The following DYNC1I1 variants were observed in gnomAD, a reference collection of about 807,000 sequenced individuals.
The protein encoded by DYNC1I1 is cytoplasmic dynein 1 intermediate chain 1.
DYNC1I1 carries 43 observed loss-of-function variants against 86.6 expected under a neutral mutation model. The observed-to-expected ratio is 0.50, with a 90% CI of 0.39 to 0.64. The LOEUF is 0.64. DYNC1I1 is among the 30% of genes least tolerant of loss of function. The pLI, the probability that DYNC1I1 is intolerant of heterozygous loss-of-function variation, is 0.00. For missense variants in DYNC1I1, 604 were observed against 788.8 expected, an observed-to-expected ratio of 0.77 and a Z score of 2.81; for synonymous variants, 262 against 283.7, an observed-to-expected ratio of 0.92 and a Z score of 0.77.
chr7:96,086,100 A>G (rs2116293971), intron 16 of DYNC1I1, among the ~76,000 whole-genome samples: 1 of 152,362 alleles, frequency 6.6e-6, no homozygotes, highest in East Asian at 1.9e-4. Context: ...GATGATTGAT[A>G]GCCAGCCTAT....
intron 6 of DYNC1I1, among the ~76,000 whole-genome samples, chr7:95,931,873 T>A (rs1791908636): frequency 6.6e-6 from 1 of 152,242 alleles, no homozygotes; most frequent in Non-Finnish European, 1.5e-5. Flanking sequence ...ATTTTACTAT[T>A]GATTGTGGTG....
At chr7:95,977,414 G>T in intron 6 of DYNC1I1, 98 bp from the exon 7 acceptor site, 1 of 1,043,818 alleles carries the variant, frequency 9.6e-7, no homozygotes, top group Non-Finnish European at 1.4e-6. Context: ...TGCCCTAAAT[G>T]ATTGGAACTT....
chr7:96,040,175 A>C (rs946760299), intron 14 of DYNC1I1, among the ~76,000 whole-genome samples: 8 of 152,136 alleles, frequency 5.3e-5, no homozygotes, highest in Admixed American at 5.2e-4. Context: ...CAGAGGTTGC[A>C]GTGAGCCGAG....
rs185166911 is a variant in DYNC1I1, at chr7:96,033,503, T to C, written c.1230+723T>C. On this transcript the variant is annotated intron_variant, in intron 12 of 16. Transcript: ENST00000447467. ...TACACACACGCTTTTTCCATATTTC[T>C]TTGTGTGAAAAAACAGTATTCACTA... 1.9e-3 allele frequency among the ~76,000 whole-genome samples: 282 copies of C among 152,236 alleles called. 1 individual carries two copies. Among genetic ancestry groups the C allele is most frequent in the African/African-American group, 6.6e-3 (276 of 41,554 alleles).
At chr7:95,897,520 C>T (rs1232036703) in intron 6 of DYNC1I1, among the ~76,000 whole-genome samples, 3 of 151,798 alleles carry the variant, frequency 2.0e-5, no homozygotes, top group Non-Finnish European at 4.4e-5. Context: ...AGAGAAAGAG[C>T]CTATTCAATA....
intron 14 of DYNC1I1, among the ~76,000 whole-genome samples, chr7:96,060,661 A>G (rs1351708123): frequency 6.6e-6 from 1 of 152,094 alleles, no homozygotes; most frequent in Admixed American, 6.6e-5. Context: ...GTGTGGATCC[A>G]TCAGTTGTAA....
At chr7:96,093,269 T>C (rs1315465670) in intron 16 of DYNC1I1, among the ~76,000 whole-genome samples, 1 of 152,180 alleles carries the variant, frequency 6.6e-6, no homozygotes, top group African/African-American at 2.4e-5. Flanking sequence ...ACATCTCTGT[T>C]GATGAATGGG....
chr7:95,879,391 T>C (rs759365411), intron 6 of DYNC1I1, among the ~76,000 whole-genome samples: 11 of 151,950 alleles, frequency 7.2e-5, no homozygotes, highest in South Asian at 4.1e-4. Context: ...TTTTTTTTGC[T>C]GAAATCCTGT....
intron 16 of DYNC1I1, among the ~76,000 whole-genome samples, chr7:96,104,519 G>A (rs1039687599): frequency 1.3e-5 from 2 of 152,112 alleles, no homozygotes; most frequent in African/African-American, 4.8e-5. Context: ...TTAGGTCGAT[G>A]ATGGTTCTTA....
intron 10 of DYNC1I1, among the ~76,000 whole-genome samples, chr7:96,006,468 T>G (rs1483360933): frequency 1.3e-5 from 2 of 152,196 alleles, no homozygotes; most frequent in African/African-American, 4.8e-5. Context: ...TTGTGAATAT[T>G]TAGCTAATTT....
chr7:96,046,039 AC>A (rs1241730610), intron 14 of DYNC1I1, among the ~76,000 whole-genome samples: 1 of 152,184 alleles, frequency 6.6e-6, no homozygotes, highest in Non-Finnish European at 1.5e-5. Context: ...CTCCTGCCGC[AC>A]CACGTTTCAT....
intron 6 of DYNC1I1, among the ~76,000 whole-genome samples, chr7:95,904,760 G>A (rs1463559003): frequency 6.6e-6 from 1 of 152,078 alleles, no homozygotes; most frequent in Non-Finnish European, 1.5e-5. Context: ...CTTTTTCCTT[G>A]ACATCCAATA....
intron 10 of DYNC1I1, among the ~76,000 whole-genome samples, chr7:96,019,148 T>G (rs1471604262): frequency 6.6e-6 from 1 of 152,186 alleles, no homozygotes; most frequent in Non-Finnish European, 1.5e-5. Context: ...AATCAAGCTA[T>G]TTAATATACA....
chr7:96,098,276 G>T lies in DYNC1I1; in HGVS notation c.*683G>T. 1.0e-6 allele frequency: 1 copy of T among 985,828 alleles called. No individual in the cohort carries two copies. Among genetic ancestry groups the T allele is most frequent in the East Asian group, 1.1e-4 (1 of 8,812 alleles). 61.1% of individuals were successfully genotyped at this position (985,828 alleles called of 1,614,324 possible). On this transcript the variant is annotated 3_prime_UTR_variant, in exon 17 of 17. Coordinates refer to ENST00000447467, the MANE Select transcript of DYNC1I1 (RefSeq NM_001135556.2). ...AGAGGTTTCTTGCAGTGAACGAAATGAATTTTAATGCCTATTATTTCTGGG... is the reference window on the plus strand; with the variant it reads ...AGAGGTTTCTTGCAGTGAACGAAATTAATTTTAATGCCTATTATTTCTGGG...
chr7:95,795,092 T>G (rs1193281120), intron 1 of DYNC1I1, among the ~76,000 whole-genome samples: 1 of 152,232 alleles, frequency 6.6e-6, no homozygotes, highest in Admixed American at 6.5e-5. Flanking sequence ...GTCAGCTCTC[T>G]CATGCAATTT....
intron 6 of DYNC1I1, among the ~76,000 whole-genome samples, chr7:95,908,609 C>CT (rs369185490): frequency 1.3e-5 from 2 of 152,090 alleles, no homozygotes; most frequent in African/African-American, 4.8e-5. Context: ...ATTCAGTCGT[C>CT]TGGCCTCTCT....
chr7:96,072,427 G>GT (rs564115670), intron 14 of DYNC1I1, among the ~76,000 whole-genome samples: 19 of 151,428 alleles, frequency 1.3e-4, no homozygotes, highest in African/African-American at 2.7e-4. Flanking sequence ...AGGTGAAGGG[G>GT]TTTTTTTTTC....
At chr7:96,015,698 C>A (rs1024228967) in intron 10 of DYNC1I1, among the ~76,000 whole-genome samples, 2 of 152,050 alleles carry the variant, frequency 1.3e-5, no homozygotes, top group Non-Finnish European at 2.9e-5. Context: ...AGAAATGAAC[C>A]CACAAGGACA....
chr7:95,813,425 A>G, intron 4 of DYNC1I1, 88 bp downstream of exon 4: 1 of 1,470,212 alleles, frequency 6.8e-7, no homozygotes, highest in South Asian at 1.3e-5. Context: ...AATACTGTGA[A>G]ATGTGCATGT....
Sources: allele counts gnomAD v4.1 joint callset (sites outside exome capture counted in the v4.1 genomes callset), GRCh38; gene constraint gnomAD v4.1.1; transcripts MANE v1.5; gene names NCBI Gene and HGNC (gene_info 2026-07-23, HGNC 2026-07-21).